FNDC3A: variants seen among roughly 807,000 people sequenced by gnomAD.
FNDC3A encodes fibronectin type III domain containing 3A.
FNDC3A carries 32 observed loss-of-function variants against 148.9 expected under a neutral mutation model. That is an observed-to-expected ratio of 0.21 (90% CI 0.16 to 0.29). The LOEUF is 0.29. FNDC3A is among the 10% of genes least tolerant of loss of function. The pLI is 1.00. For synonymous variants in FNDC3A, 472 were observed against 473.6 expected, an observed-to-expected ratio of 1.00 and a Z score of 0.04; for missense variants, 1,191 against 1,452.8, an observed-to-expected ratio of 0.82 and a Z score of 2.93.
chr13:49,102,270 A>G (rs927221802), intron 3 of FNDC3A, among the ~76,000 whole-genome samples: 12 of 151,998 alleles, frequency 7.9e-5, no homozygotes, highest in Admixed American at 3.3e-4. Context: ...ATCACCTTAA[A>G]TTGTCTTTTG....
intron 2 of FNDC3A, among the ~76,000 whole-genome samples, chr13:49,051,122 T>C (rs560286235): frequency 2.6e-5 from 4 of 152,350 alleles, no homozygotes; most frequent in Admixed American, 2.6e-4. Context: ...ATCTTTTAAG[T>C]GGAGCACTTA....
At chr13:49,094,269 C>T (rs1235163884) in intron 3 of FNDC3A, among the ~76,000 whole-genome samples, 1 of 151,984 alleles carries the variant, frequency 6.6e-6, no homozygotes, top group Non-Finnish European at 1.5e-5. Flanking sequence ...TAAACCTTAA[C>T]CTAAGCACAG....
At chr13:49,109,949 T>C (rs779619040) in intron 3 of FNDC3A, among the ~76,000 whole-genome samples, 51 of 152,162 alleles carry the variant, frequency 3.4e-4, no homozygotes, top group Non-Finnish European at 6.8e-4. Flanking sequence ...TAAATTAATA[T>C]TATCTCAAAT....
chr13:49,187,658 T>G, intron 16 of FNDC3A: 5 of 1,592,940 alleles, frequency 3.1e-6, no homozygotes, highest in Non-Finnish European at 4.3e-6. Context: ...CTCCGGATGC[T>G]CTGGCCCAAC....
intron 1 of FNDC3A, among the ~76,000 whole-genome samples, chr13:49,002,046 T>C (rs1274911141): frequency 6.6e-6 from 1 of 152,148 alleles, no homozygotes; most frequent in Non-Finnish European, 1.5e-5. Context: ...TTAAAATTTC[T>C]CTCTTTTGTA....
At chr13:49,150,156 C>A (rs919805939) in intron 8 of FNDC3A, among the ~76,000 whole-genome samples, 1 of 152,148 alleles carries the variant, frequency 6.6e-6, no homozygotes, top group African/African-American at 2.4e-5. Context: ...CTAAGCTGGA[C>A]TCAAACTCCT....
At chr13:48,980,521 A>G (rs1016723551) in intron 1 of FNDC3A, among the ~76,000 whole-genome samples, 5 of 152,196 alleles carry the variant, frequency 3.3e-5, no homozygotes, top group African/African-American at 1.2e-4. Flanking sequence ...TCATGTGCAC[A>G]TTAAGGCACG....
intron 5 of FNDC3A, 53 bp from the exon 6 acceptor site, chr13:49,136,279 A>C: frequency 1.4e-6 from 2 of 1,466,100 alleles, no homozygotes; most frequent in Non-Finnish European, 1.9e-6. Context: ...TCATGGCATA[A>C]ACTTATTTGG....
At chr13:49,047,395 G>C (rs1293497441) in intron 2 of FNDC3A, among the ~76,000 whole-genome samples, 1 of 152,126 alleles carries the variant, frequency 6.6e-6, no homozygotes, top group Non-Finnish European at 1.5e-5. Flanking sequence ...GGATCTCCAT[G>C]CTGTTTTCCA....
At chr13:49,018,596 T>TC (rs1444383719) in intron 2 of FNDC3A, among the ~76,000 whole-genome samples, 6 of 152,308 alleles carry the variant, frequency 3.9e-5, no homozygotes, top group African/African-American at 1.4e-4. Context: ...CCTTCTTCTC[T>TC]CAGCTCGTCA....
chr13:48,984,668 A>G (rs1382064768), intron 1 of FNDC3A, among the ~76,000 whole-genome samples: 1 of 152,104 alleles, frequency 6.6e-6, no homozygotes, highest in East Asian at 1.9e-4. Flanking sequence ...CAGGTGGACT[A>G]AATGGTTTTT....
chr13:49,108,060 A>G (rs1880312402), intron 3 of FNDC3A, among the ~76,000 whole-genome samples: 1 of 152,208 alleles, frequency 6.6e-6, no homozygotes, highest in Non-Finnish European at 1.5e-5. Flanking sequence ...GATGAAAGAA[A>G]GATATGATGG....
At chr13:49,204,685 ATG>A (rs1886568085) in intron 25 of FNDC3A, among the ~76,000 whole-genome samples, 1 of 152,252 alleles carries the variant, frequency 6.6e-6, no homozygotes, top group Non-Finnish European at 1.5e-5. Flanking sequence ...TGAGTAGTAT[ATG>A]AATAACCTTA....
At chr13:49,117,055 A>G (rs1881013092) in intron 4 of FNDC3A, among the ~76,000 whole-genome samples, 1 of 152,146 alleles carries the variant, frequency 6.6e-6, no homozygotes, top group African/African-American at 2.4e-5. Context: ...AAGAAGTAAG[A>G]AGTCTAGATC....
chr13:49,167,712 A>C (rs1006541095), intron 9 of FNDC3A, among the ~76,000 whole-genome samples: 9 of 152,134 alleles, frequency 5.9e-5, no homozygotes, highest in Admixed American at 6.5e-5. Flanking sequence ...TCTCAAACAA[A>C]AAAAAAAACT....
intron 2 of FNDC3A, among the ~76,000 whole-genome samples, chr13:49,039,097 C>A (rs1330675480): frequency 1.3e-5 from 2 of 152,004 alleles, no homozygotes; most frequent in Non-Finnish European, 2.9e-5. Context: ...GTTATTTTTC[C>A]TGTTCTCTTT....
At chr13:49,078,630 T>G (rs1878272252) in intron 3 of FNDC3A, among the ~76,000 whole-genome samples, 1 of 152,232 alleles carries the variant, frequency 6.6e-6, no homozygotes, top group African/African-American at 2.4e-5. Flanking sequence ...GAACTGGGGT[T>G]GAAGTCTTTG....
chr13:49,072,187 T>A lies in FNDC3A; in HGVS notation c.100-3102T>A, dbSNP rs1877739652. 2.6e-5 allele frequency among the ~76,000 whole-genome samples: 4 copies of A among 152,178 alleles called. 1 individual carries two copies. The South Asian group carries it at 8.3e-4, about 32-fold the overall frequency. ...AATCTTTAAGCCATTTTGAGCTGAT[T>A]TTGTATATGTTGAAATATGGAACTG... On this transcript the variant is annotated intron_variant, in intron 2 of 25. Coordinates refer to ENST00000492622, the MANE Select transcript of FNDC3A (RefSeq NM_001079673.2).
chr13:49,019,245 A>G (rs1357609178), intron 2 of FNDC3A, among the ~76,000 whole-genome samples: 2 of 152,220 alleles, frequency 1.3e-5, no homozygotes, highest in Admixed American at 6.5e-5. Flanking sequence ...TGTGCTAGCA[A>G]TCAGCGAGAC....
Sources: gnomAD v4.1 joint callset for allele counts (sites outside exome capture counted in the v4.1 genomes callset) on GRCh38, gnomAD v4.1.1 for gene constraint, MANE v1.5 for transcripts, NCBI Gene and HGNC (gene_info 2026-07-23, HGNC 2026-07-21) for gene names.